The following NR4A1 variants were observed in gnomAD, a reference collection of about 807,000 sequenced individuals.
The protein encoded by NR4A1 is nuclear receptor subfamily 4 group A member 1.
A neutral mutation model predicts 47.5 loss-of-function variants in NR4A1; 24 were observed. That is an observed-to-expected ratio of 0.50 (90% CI 0.37 to 0.71). The LOEUF (loss-of-function observed/expected upper bound fraction) is 0.71. Ranked by LOEUF, NR4A1 falls within the 30% of genes least tolerant of loss-of-function variation. NR4A1 has a pLI of 0.00. For missense variants in NR4A1, 669 were observed against 788.6 expected, an observed-to-expected ratio of 0.85 and a Z score of 1.82; for synonymous variants, 353 against 345.7, an observed-to-expected ratio of 1.02 and a Z score of -0.24.
Position 52,051,453 on chromosome 12 carries a change from C to T in NR4A1, c.-118C>T. On this transcript the variant is annotated 5_prime_UTR_variant, in exon 1 of 7. Transcript: ENST00000394825. ...GGGCTCGGCCGGGGAGTCCCAGTGG[C>T]GGAGGCTACGAAACTTGGGGGAGTG... is the stretch of plus-strand genomic sequence containing the variant. The T allele has an allele frequency of 1.5e-5, 15 of 985,532 alleles. No homozygotes were observed. Among genetic ancestry groups the T allele is most frequent in the Non-Finnish European group, 1.7e-5 (14 of 829,996 alleles). The allele number at this position is 985,532 out of a possible 1,614,324, so 61.0% of individuals were successfully genotyped here. A position where few individuals can be genotyped will look rare whatever the true frequency, so the allele number is the denominator to read the frequency against.
At chr12:52,025,427 C>T (rs1037128692) in intron 1 of NR4A1, among the ~76,000 whole-genome samples, 1 of 152,138 alleles carries the variant, frequency 6.6e-6, no homozygotes, top group African/African-American at 2.4e-5. Flanking sequence ...CTTTCCCCAT[C>T]TCAGCGCCTT....
intron 2 of NR4A1, among the ~76,000 whole-genome samples, chr12:52,046,092 G>A (rs558434524): frequency 1.3e-5 from 2 of 152,322 alleles, no homozygotes; most frequent in African/African-American, 4.8e-5. Context: ...CCATGGGTGG[G>A]GACAGTCTCA....
At chr12:52,056,892 G>A in intron 4 of NR4A1, 165 bp from the exon 5 acceptor site, 1 of 817,670 alleles carries the variant, frequency 1.2e-6, no homozygotes, top group Non-Finnish European at 1.9e-6. Context: ...TTTGGCAGCT[G>A]CAGCCCTGGG....
chr12:52,051,527 C>A lies in NR4A1; in HGVS notation c.-44C>A. The A allele has an allele frequency of 1.0e-6, 1 of 985,920 alleles. No individual in the cohort carries two copies. The highest frequency in any genetic ancestry group is 1.2e-6 in the Non-Finnish European group (1 of 830,294). The allele number at this position is 985,920 out of a possible 1,614,324, so 61.1% of individuals were successfully genotyped here. ...CGCGGGACCAGGGACCAGGCTGAGA[C>A]TCGGGGCGCCAGTCCGGGCAGGGGC... On this transcript the variant is annotated 5_prime_UTR_variant, in exon 1 of 7. Coordinates refer to ENST00000394825, the MANE Select transcript of NR4A1 (RefSeq NM_173157.3).
upstream of NR4A1, among the ~76,000 whole-genome samples, chr12:52,050,014 A>G (rs1938843196): frequency 6.6e-6 from 1 of 151,490 alleles, no homozygotes; most frequent in Admixed American, 6.6e-5. Flanking sequence ...GGAAGCAGAA[A>G]CTCATGGATA....
chr12:52,029,262 C>T (rs549276526), intron 1 of NR4A1, among the ~76,000 whole-genome samples: 11 of 152,370 alleles, frequency 7.2e-5, no homozygotes, highest in East Asian at 3.9e-4. Flanking sequence ...CCCCTCCAAA[C>T]GCCTGCAGCA....
At chr12:52,036,566 C>T (rs1358467944) in intron 1 of NR4A1, among the ~76,000 whole-genome samples, 2 of 152,218 alleles carry the variant, frequency 1.3e-5, no homozygotes, top group African/African-American at 2.4e-5. Context: ...GGTATGGGAG[C>T]AGCCAGATCA....
chr12:52,033,996 GT>G (rs1164634568), intron 1 of NR4A1, among the ~76,000 whole-genome samples: 2 of 152,186 alleles, frequency 1.3e-5, no homozygotes, highest in African/African-American at 4.8e-5. Flanking sequence ...GTGGGGTGGA[GT>G]TTCAGATGCT....
upstream of NR4A1, among the ~76,000 whole-genome samples, chr12:52,047,982 G>A (rs192888604): frequency 5.9e-5 from 9 of 151,818 alleles, no homozygotes; most frequent in African/African-American, 1.7e-4. Flanking sequence ...GTGAAACCCC[G>A]TCTCTACTAA....
In NR4A1 at chr12:52,055,106, C is replaced by G; in HGVS notation, c.778C>G (p.Pro260Ala). 2 of 1,614,216 alleles carry G rather than the reference C, an allele frequency of 1.2e-6. No homozygotes were observed. Among genetic ancestry groups the G allele is most frequent in the African/African-American group, 1.3e-5 (1 of 75,060 alleles). The change falls in exon 2 of 7, where the codon CCA becomes GCA. Residue 260 changes from proline (P) to alanine (A), a missense_variant. Coordinates refer to ENST00000394825, the MANE Select transcript of NR4A1 (RefSeq NM_173157.3). The stretch of plus-strand genomic sequence containing the variant: ...CTCAACCAAGGCCCGGAGCGGGGCC[C>G]CAGGTGGAAGTGAAGGCCGCTGTGC... The part of the protein sequence containing the change: ...VTSTKARSGA[P>A]GGSEGRCAVC...
At chr12:52,025,876 C>T (rs1434624335) in intron 1 of NR4A1, among the ~76,000 whole-genome samples, 1 of 152,196 alleles carries the variant, frequency 6.6e-6, no homozygotes, top group Non-Finnish European at 1.5e-5. Context: ...GGGGATCCTG[C>T]TGGGATGGGA....
intron 2 of NR4A1, chr12:52,045,392 G>C (rs1241479860): frequency 3.0e-6 from 1 of 329,566 alleles, no homozygotes; most frequent in Non-Finnish European, 6.3e-6. Context: ...TATATGTCGG[G>C]GTCCTGGAAC....
chr12:52,056,201 TGAGTG>T (rs748814492), intron 3 of NR4A1, 42 bp downstream of exon 3: 7 of 1,547,538 alleles, frequency 4.5e-6, no homozygotes, highest in Non-Finnish European at 6.1e-6. Context: ...AGGGTAGGCT[TGAGTG>T]GAGTGGGACC....
At chr12:52,044,852 G>A (rs559461017) in intron 2 of NR4A1, among the ~76,000 whole-genome samples, 12 of 152,294 alleles carry the variant, frequency 7.9e-5, no homozygotes, top group African/African-American at 2.2e-4. Context: ...GGTTCAAGGC[G>A]TGGGGCAACC....
At chr12:52,036,444 C>G (rs922714580) in intron 1 of NR4A1, among the ~76,000 whole-genome samples, 1 of 152,200 alleles carries the variant, frequency 6.6e-6, no homozygotes, top group Non-Finnish European at 1.5e-5. Context: ...GGCACCTCCA[C>G]AGCTGTTATC....
At chr12:52,055,986 A>T (rs201978713) in intron 2 of NR4A1, 44 bp from the exon 3 acceptor site, 5 of 172,422 alleles carry the variant, frequency 2.9e-5, no homozygotes, top group African/African-American at 2.6e-4. Flanking sequence ...CCCCCTCCCC[A>T]CCCCACACTC....
upstream of NR4A1, among the ~76,000 whole-genome samples, chr12:52,050,209 C>A (rs1938854144): frequency 6.6e-6 from 1 of 152,202 alleles, no homozygotes. Flanking sequence ...GTGGCTGAAG[C>A]CTGGTCTGTG....
At chr12:52,045,477 C>T (rs1418187851) in intron 2 of NR4A1, 2 of 449,078 alleles carry the variant, frequency 4.5e-6, no homozygotes, top group African/African-American at 4.0e-5. Flanking sequence ...CTTGCCATTA[C>T]AGGTTTCCCA....
chr12:52,030,672 G>A (rs1282478803), intron 1 of NR4A1, among the ~76,000 whole-genome samples: 4 of 152,046 alleles, frequency 2.6e-5, no homozygotes, highest in Admixed American at 1.3e-4. Flanking sequence ...CATGTGATCC[G>A]CCTGCCTTGG....
Sources: gnomAD v4.1 joint callset for allele counts (sites outside exome capture counted in the v4.1 genomes callset) on GRCh38, gnomAD v4.1.1 for gene constraint, MANE v1.5 for transcripts, NCBI Gene and HGNC (gene_info 2026-07-23, HGNC 2026-07-21) for gene names.